DYNLT2: variants seen among roughly 807,000 people sequenced by gnomAD.
The protein encoded by DYNLT2 is dynein light chain Tctex-type protein 2.
Under a neutral mutation model 24.3 loss-of-function variants are expected in DYNLT2, and 24 were observed. The ratio of observed to expected loss-of-function variants is 0.99; its 90% CI spans 0.71 to 1.39. The LOEUF is 1.39. Among genes scored for constraint, DYNLT2 ranks in the 40% most tolerant of loss-of-function variants. The pLI, the probability that DYNLT2 is intolerant of heterozygous loss-of-function variation, is 0.00. For synonymous variants in DYNLT2, 85 were observed against 85.4 expected (o/e 1.00, Z 0.03); for missense variants, 246 against 234.5 (o/e 1.05, Z -0.32).
the DYNLT2 span, among the ~76,000 whole-genome samples, chr6:169,731,212 T>C: frequency 1.3e-5 from 2 of 152,136 alleles, no homozygotes; most frequent in Admixed American, 6.5e-5. Context: ...CAGTGAGAAG[T>C]GTTGCTAGGA....
the DYNLT2 span, among the ~76,000 whole-genome samples, chr6:169,731,682 C>T: frequency 6.6e-6 from 1 of 152,050 alleles, no homozygotes; most frequent in African/African-American, 2.4e-5. Context: ...AATAAAGGGG[C>T]TATTGAAACA....
chr6:169,748,202 G>C (rs925742825), intron 1 of DYNLT2, among the ~76,000 whole-genome samples: 2 of 152,086 alleles, frequency 1.3e-5, no homozygotes, highest in Non-Finnish European at 2.9e-5. Flanking sequence ...TGAATATTCT[G>C]GGAAACCCTC....
At position 169,747,313 on chromosome 6, in the gene DYNLT2, G is replaced by A. The variant is rs75644828; in HGVS notation, c.121-3039C>T. ...TTTCTTCATGTGTCTTGTGCTTGGAGTTCACTGAGCCTCTTAGATTTGTGG... is the reference window on the plus strand; with the variant it reads ...TTTCTTCATGTGTCTTGTGCTTGGAATTCACTGAGCCTCTTAGATTTGTGG... On this transcript the variant is annotated intron_variant, in intron 1 of 3. Transcript: ENST00000366774. 7.8e-4 allele frequency among the ~76,000 whole-genome samples: 118 copies of A among 152,102 alleles called. 2 individuals carry two copies. The East Asian group carries it at 0.022, about 28-fold the overall frequency.
chr6:169,743,023 A>C, intron 3 of DYNLT2, 57 bp downstream of exon 3: 1 of 1,328,930 alleles, frequency 7.5e-7, no homozygotes, highest in South Asian at 2.1e-5. Context: ...TCAAATCACT[A>C]GGGAGGAGAT....
At chr6:169,741,259 T>C (rs1215447676) in intron 3 of DYNLT2, among the ~76,000 whole-genome samples, 1 of 152,152 alleles carries the variant, frequency 6.6e-6, no homozygotes, top group Non-Finnish European at 1.5e-5. Flanking sequence ...TCTTGTAGCT[T>C]CTGCTCTCAC....
chr6:169,745,653 T>TA (rs1789780149), intron 1 of DYNLT2, among the ~76,000 whole-genome samples: 1 of 152,216 alleles, frequency 6.6e-6, no homozygotes, highest in South Asian at 2.1e-4. Context: ...ATCCTTTAAA[T>TA]AAAATGCTGA....
the DYNLT2 span, among the ~76,000 whole-genome samples, chr6:169,733,207 C>T: frequency 4.0e-5 from 6 of 151,352 alleles, no homozygotes; most frequent in South Asian, 1.1e-3. Flanking sequence ...ATGGGTAGAT[C>T]GCAAAAATTT....
chr6:169,732,865 C>T, the DYNLT2 span, among the ~76,000 whole-genome samples: 1 of 152,202 alleles, frequency 6.6e-6, no homozygotes, highest in Non-Finnish European at 1.5e-5. Context: ...GCCATACTGT[C>T]TTCCACAATG....
At chr6:169,744,952 T>C (rs1204812639) in intron 1 of DYNLT2, among the ~76,000 whole-genome samples, 1 of 152,214 alleles carries the variant, frequency 6.6e-6, no homozygotes, top group African/African-American at 2.4e-5. Flanking sequence ...AATTTCTTTT[T>C]CTTGCCTAAT....
chr6:169,736,130 GTTTTT>G (rs550542182), downstream of DYNLT2, among the ~76,000 whole-genome samples: 29 of 133,390 alleles, frequency 2.2e-4, no homozygotes, highest in South Asian at 4.8e-3. Context: ...TTGTTGTTTC[GTTTTT>G]TTGTTTGTTT....
intron 1 of DYNLT2, among the ~76,000 whole-genome samples, chr6:169,749,100 T>C (rs1280730574): frequency 6.6e-6 from 1 of 150,626 alleles, no homozygotes; most frequent in Non-Finnish European, 1.5e-5. Context: ...GTGTTTAAGA[T>C]TTTTTTTTTC....
chr6:169,746,354 T>G (rs1789800327), intron 1 of DYNLT2, among the ~76,000 whole-genome samples: 1 of 152,292 alleles, frequency 6.6e-6, no homozygotes, highest in East Asian at 1.9e-4. Flanking sequence ...TTCTAATATA[T>G]GCACACATTC....
chr6:169,751,271 C>A (rs993157009), intron 1 of DYNLT2, 68 bp downstream of exon 1: 5 of 1,552,774 alleles, frequency 3.2e-6, no homozygotes, highest in Non-Finnish European at 4.4e-6. Context: ...GCGGGGCCCA[C>A]TGGGGAGCGA....
chr6:169,746,776 C>T (rs1200251305), intron 1 of DYNLT2, among the ~76,000 whole-genome samples: 3 of 151,918 alleles, frequency 2.0e-5, no homozygotes, highest in South Asian at 4.2e-4. Flanking sequence ...AATGTATTAA[C>T]GGAGAGGAAG....
At chr6:169,732,813 C>G in the DYNLT2 span, among the ~76,000 whole-genome samples, 1 of 152,158 alleles carries the variant, frequency 6.6e-6, no homozygotes, top group African/African-American at 2.4e-5. Flanking sequence ...AATGGAATTG[C>G]TGGGTCAAAT....
chr6:169,740,720 C>T (rs1789658862), intron 3 of DYNLT2, among the ~76,000 whole-genome samples: 1 of 152,082 alleles, frequency 6.6e-6, no homozygotes, highest in African/African-American at 2.4e-5. Flanking sequence ...TAGGCTGTTA[C>T]GGACAATTCT....
At chr6:169,725,574 C>T in the DYNLT2 span, 1 of 366,322 alleles carries the variant, frequency 2.7e-6, no homozygotes, top group East Asian at 4.0e-5. Flanking sequence ...CTGAATCTGC[C>T]AAGAAGAAAC....
chr6:169,736,091 G>T (rs1789555318), downstream of DYNLT2, among the ~76,000 whole-genome samples: 1 of 151,504 alleles, frequency 6.6e-6, no homozygotes, highest in Non-Finnish European at 1.5e-5. Flanking sequence ...ACAGAGACTA[G>T]GATTGCAACC....
intron 1 of DYNLT2, chr6:169,750,901 C>T (rs1790003038): frequency 6.5e-6 from 1 of 153,352 alleles, no homozygotes; most frequent in Non-Finnish European, 1.5e-5. Context: ...CAAAACATGG[C>T]ACTATTCTGC....
Sources: gnomAD v4.1 joint callset for allele counts (sites outside exome capture counted in the v4.1 genomes callset) on GRCh38, gnomAD v4.1.1 for gene constraint, MANE v1.5 for transcripts, NCBI Gene and HGNC (gene_info 2026-07-23, HGNC 2026-07-21) for gene names.